EFNA5: variants seen among roughly 807,000 people sequenced by gnomAD.
EFNA5 encodes ephrin-A5.
In EFNA5, 5 loss-of-function variants were observed where a neutral mutation model predicts 22.9. The observed-to-expected ratio is 0.22, with a 90% confidence interval of 0.11 to 0.46. The LOEUF (loss-of-function observed/expected upper bound fraction) is 0.46, where lower values mean the gene tolerates loss of function less well. Among genes scored for constraint, EFNA5 ranks in the 20% least tolerant of loss-of-function variants. EFNA5 has a pLI of 0.99. For synonymous variants in EFNA5, 113 were observed against 112.2 expected, an observed-to-expected ratio of 1.01 and a Z score of -0.04; for missense variants, 237 against 293.3, an observed-to-expected ratio of 0.81 and a Z score of 1.40.
At chr5:107,460,580 T>G (rs951763710) in intron 1 of EFNA5, among the ~76,000 whole-genome samples, 2 of 152,188 alleles carry the variant, frequency 1.3e-5, no homozygotes, top group Non-Finnish European at 2.9e-5. Context: ...TCTTCACTTT[T>G]TTGGTAAAAA....
In EFNA5 at chr5:107,387,752, A is replaced by G. The variant is rs781318381; in HGVS notation, c.438T>C (p.Asn146=). The G allele has an allele frequency of 4.5e-5, 72 of 1,612,884 alleles. No homozygotes were observed. The highest frequency in any genetic ancestry group is 5.8e-5 in the Non-Finnish European group (68 of 1,179,294). ...YFYISSAIPD[N]GRRSCLKLKV... Reference sequence around the variant, plus strand: ...TGAGCTTTAGACAGGACCTTCTTCCATTATCTGGGATTGCAGAGGCTGTGG... The same window carrying G: ...TGAGCTTTAGACAGGACCTTCTTCCGTTATCTGGGATTGCAGAGGCTGTGG... Residue 146 remains asparagine, a synonymous_variant, in exon 3 of 5, where the codon AAT becomes AAC. Transcript: ENST00000333274.
At position 107,533,037 on chromosome 5, in the gene EFNA5, T is replaced by G. The variant is rs542521721; in HGVS notation, c.126-105528A>C. ...AGCTCCTGAGATGTACCTTTTTTAT[T>G]TATTGGCGTTGGAGAAGGGAGGTGG... is the stretch of plus-strand genomic sequence containing the variant. On this transcript the variant is annotated intron_variant, in intron 1 of 4. Transcript: ENST00000333274. 2.0e-4 allele frequency among the ~76,000 whole-genome samples: 30 copies of G among 152,212 alleles called. No homozygotes were observed. In the South Asian group the frequency reaches 6.0e-3, roughly 31 times the overall value.
At chr5:107,428,143 G>A (rs980473049) in intron 1 of EFNA5, among the ~76,000 whole-genome samples, 2 of 152,208 alleles carry the variant, frequency 1.3e-5, no homozygotes, top group Non-Finnish European at 2.9e-5. Flanking sequence ...GCCAAACCTA[G>A]TATGGAGACT....
chr5:107,528,828 G>A (rs917044494), intron 1 of EFNA5, among the ~76,000 whole-genome samples: 1 of 152,102 alleles, frequency 6.6e-6, no homozygotes, highest in African/African-American at 2.4e-5. Flanking sequence ...GTGACTGATA[G>A]GTATATAGAT....
At chr5:107,571,744 C>A (rs1208321869) in intron 1 of EFNA5, among the ~76,000 whole-genome samples, 1 of 152,150 alleles carries the variant, frequency 6.6e-6, no homozygotes, top group Non-Finnish European at 1.5e-5. Context: ...AGGGCTGTCA[C>A]CCTGACGAGA....
intron 1 of EFNA5, among the ~76,000 whole-genome samples, chr5:107,432,043 T>G (rs1418489151): frequency 6.6e-6 from 1 of 152,218 alleles, no homozygotes; most frequent in South Asian, 2.1e-4. Flanking sequence ...TCTTAAGAGT[T>G]GGGTTACCTT....
At chr5:107,470,693 T>G (rs765391512) in intron 1 of EFNA5, among the ~76,000 whole-genome samples, 3 of 152,168 alleles carry the variant, frequency 2.0e-5, no homozygotes, top group Non-Finnish European at 2.9e-5. Context: ...AGATTAACAT[T>G]GCTGATAATG....
chr5:107,659,624 A>C (rs1750902837), intron 1 of EFNA5, among the ~76,000 whole-genome samples: 2 of 151,838 alleles, frequency 1.3e-5, no homozygotes, highest in South Asian at 4.2e-4. Flanking sequence ...TTACATAATA[A>C]ATGAAGTGAT....
At chr5:107,384,379 C>A (rs1747553413) in intron 4 of EFNA5, among the ~76,000 whole-genome samples, 1 of 152,156 alleles carries the variant, frequency 6.6e-6, no homozygotes, top group Non-Finnish European at 1.5e-5. Context: ...GCCCTGAGAT[C>A]ATCCTGCATC....
intron 1 of EFNA5, among the ~76,000 whole-genome samples, chr5:107,459,310 G>A (rs182088097): frequency 5.3e-5 from 8 of 149,542 alleles, no homozygotes; most frequent in East Asian, 4.0e-4. Flanking sequence ...TTGAGATCAC[G>A]TCACCACACT....
At position 107,381,229 on chromosome 5, in the gene EFNA5, G is replaced by C. The variant is rs373362898; in HGVS notation, c.*26C>G. 1.8e-5 allele frequency: 29 copies of C among 1,603,754 alleles called. No homozygotes were observed. Among genetic ancestry groups the C allele is most frequent in the Non-Finnish European group, 2.5e-5 (29 of 1,171,666 alleles). Reference sequence around the variant, plus strand: ...GTGTTCCAAGACCCTGATGTTTTCTGTGACAAGTGATGGGAGGAGACTGTG... The same window carrying C: ...GTGTTCCAAGACCCTGATGTTTTCTCTGACAAGTGATGGGAGGAGACTGTG... On this transcript the variant is annotated 3_prime_UTR_variant, in exon 5 of 5. Transcript: ENST00000333274.
intron 1 of EFNA5, among the ~76,000 whole-genome samples, chr5:107,657,505 T>C (rs369402158): frequency 1.2e-3 from 181 of 152,288 alleles, no homozygotes; most frequent in African/African-American, 4.2e-3. Context: ...TGATTTACTA[T>C]TCTTAATAAT....
At chr5:107,658,658 A>C (rs1440826826) in intron 1 of EFNA5, among the ~76,000 whole-genome samples, 1 of 152,174 alleles carries the variant, frequency 6.6e-6, no homozygotes, top group African/African-American at 2.4e-5. Flanking sequence ...GCCAGAAGTC[A>C]TCTCTCTCCC....
chr5:107,377,716 T>C lies in EFNA5; in HGVS notation c.*3539A>G, dbSNP rs921631040. ...TTCCATGAGTGAGCTGCACATGATA[T>C]TGATAAAGACTCTTCCTGGGAAAAA... On this transcript the variant is annotated 3_prime_UTR_variant, in exon 5 of 5. Transcript: ENST00000333274. 1 of 152,084 alleles carries C rather than the reference T, an allele frequency of 6.6e-6. No homozygotes were observed. Among genetic ancestry groups the C allele is most frequent in the African/African-American group, 2.4e-5 (1 of 41,386 alleles). 9.4% of individuals were successfully genotyped at this position (152,084 alleles called of 1,614,324 possible). A position where few individuals can be genotyped will look rare whatever the true frequency, so the allele number is the denominator to read the frequency against.
At chr5:107,557,030 A>C (rs2112473619) in intron 1 of EFNA5, among the ~76,000 whole-genome samples, 1 of 152,250 alleles carries the variant, frequency 6.6e-6, no homozygotes, top group South Asian at 2.1e-4. Flanking sequence ...ATACTTAGGA[A>C]GAAATTAAAC....
At chr5:107,601,715 C>T (rs1749598822) in intron 1 of EFNA5, among the ~76,000 whole-genome samples, 1 of 152,150 alleles carries the variant, frequency 6.6e-6, no homozygotes, top group African/African-American at 2.4e-5. Flanking sequence ...GTGCAAGGTG[C>T]TCCAAATTCT....
chr5:107,462,767 T>C (rs940956422), intron 1 of EFNA5, among the ~76,000 whole-genome samples: 4 of 152,202 alleles, frequency 2.6e-5, no homozygotes, highest in Non-Finnish European at 5.9e-5. Context: ...AGCAACTCAG[T>C]GGCCTCAGCT....
chr5:107,577,797 A>G (rs909809400), intron 1 of EFNA5, among the ~76,000 whole-genome samples: 1 of 152,154 alleles, frequency 6.6e-6, no homozygotes, highest in Non-Finnish European at 1.5e-5. Flanking sequence ...GCTTAAAGTC[A>G]TGCATGTGGT....
intron 2 of EFNA5, among the ~76,000 whole-genome samples, chr5:107,398,955 A>G (rs1181143847): frequency 3.3e-5 from 5 of 151,946 alleles, no homozygotes; most frequent in Non-Finnish European, 7.4e-5. Context: ...AGAGAGGGGT[A>G]GTGGTAAATG....
Sources: allele counts gnomAD v4.1 joint callset (sites outside exome capture counted in the v4.1 genomes callset), GRCh38; gene constraint gnomAD v4.1.1; transcripts MANE v1.5; gene names NCBI Gene and HGNC (gene_info 2026-07-23, HGNC 2026-07-21).